ADAMTSL4: variants seen among roughly 807,000 people sequenced by gnomAD.
The protein encoded by ADAMTSL4 is ADAMTS-like protein 4.
ADAMTSL4 carries 97 observed loss-of-function variants against 122.8 expected under a neutral mutation model. The observed-to-expected ratio is 0.79, with a 90% CI of 0.67 to 0.93. The LOEUF (loss-of-function observed/expected upper bound fraction) is 0.93. Among genes scored for constraint, ADAMTSL4 ranks in the 40% least tolerant of loss-of-function variants. The pLI is 0.00. For synonymous variants in ADAMTSL4, 592 were observed against 568.0 expected (o/e 1.04, Z -0.60); for missense variants, 1,408 against 1,453.5 (o/e 0.97, Z 0.51).
chr1:150,558,145 G>T lies in ADAMTSL4; in HGVS notation c.2378G>T (p.Ser793Ile), dbSNP rs1414780977. 6.2e-7 allele frequency: 1 copy of T among 1,613,440 alleles called. No individual in the cohort carries two copies. Among genetic ancestry groups the T allele is most frequent in the Admixed American group, 1.7e-5 (1 of 60,030 alleles). ...CATTGGGAAGTTGGCTCTCCTTGGAGCCAGGTGAGTTTGCCCAGGCAAGGA... is the reference window on the plus strand; with the variant it reads ...CATTGGGAAGTTGGCTCTCCTTGGATCCAGGTGAGTTTGCCCAGGCAAGGA... ...CGHWEVGSPW[S>I]QCSVRCGRGQ... is the part of the protein sequence containing the mutation. Residue 793 changes from serine to isoleucine, a missense_variant, in exon 14 of 19, where the codon AGC (serine) becomes ATC (isoleucine). Transcript: ENST00000271643.
Position 150,557,614 on chromosome 1 carries a change from G to A in ADAMTSL4, c.2168G>A (p.Cys723Tyr), listed in dbSNP as rs1395501380. The A allele has an allele frequency of 1.9e-6, 3 of 1,599,712 alleles. No homozygotes were observed. The highest frequency in any genetic ancestry group is 1.1e-5 in the South Asian group (1 of 89,432). ...ASPEPCHGTP[C>Y]PPYWEAGEWT... ...CCTGAACCCTGCCACGGCACCCCAT[G>A]CCCCCCATAGTGAGTATGGGGGAGC... Residue 723 changes from cysteine (C) to tyrosine (Y), a missense_variant, in exon 13 of 19, where the codon TGC (cysteine) becomes TAC (tyrosine). Cys to Tyr is a radical substitution (Grantham distance 194). Coordinates refer to ENST00000271643, the MANE Select transcript of ADAMTSL4 (RefSeq NM_019032.6).
Position 150,554,420 on chromosome 1 carries a change from C to T in ADAMTSL4, c.1187C>T (p.Ser396Phe), listed in dbSNP as rs587686142. The part of the protein sequence containing the change: ...PRALQCAAFN[S>F]QEFMGQLYQW... ...GCCCTGCAGTGCGCAGCCTTTAACT[C>T]CCAGGAATTCATGGGCCAGCTGTAT... The change falls in exon 7 of 19, where the codon TCC (serine) becomes TTC (phenylalanine). Residue 396 changes from serine to phenylalanine, a missense_variant. Transcript: ENST00000271643. This position sits in a 1 kb window ranked among gnomAD's most constrained non-coding sequence, Gnocchi z 4.0. 7.4e-6 allele frequency: 12 copies of T among 1,614,130 alleles called. No homozygotes were observed. The highest frequency in any genetic ancestry group is 4.4e-5 in the South Asian group (4 of 91,080).
rs1323476098 is a variant in ADAMTSL4 at position 150,552,282 on chromosome 1, G to A, written c.-7G>A. The A allele has an allele frequency of 2.6e-6, 4 of 1,554,122 alleles. No individual in the cohort carries two copies. Among genetic ancestry groups the A allele is most frequent in the Admixed American group, 2.0e-5 (1 of 51,206 alleles). On this transcript the variant is annotated 5_prime_UTR_variant, in exon 3 of 19. Coordinates refer to ENST00000271643, the MANE Select transcript of ADAMTSL4 (RefSeq NM_019032.6). This position sits in a 1 kb window ranked among gnomAD's most constrained non-coding sequence, Gnocchi z 4.0. ...CTGCCTCCCCCTGGGGCAGTAGAGG[G>A]GGAGCGATGGAGAACTGGACTGGCA...
chr1:150,555,601 GCATATGC>G (rs1249879912), intron 8 of ADAMTSL4, 36 bp downstream of exon 8: 40 of 1,564,900 alleles, frequency 2.6e-5, no homozygotes, highest in Non-Finnish European at 3.4e-5. Flanking sequence ...ACACACACAT[GCATATGC>G]ACACAGACAC....
chr1:150,553,281 C>T, intron 5 of ADAMTSL4, 28 bp downstream of exon 5: 1 of 1,610,412 alleles, frequency 6.2e-7, no homozygotes, highest in Non-Finnish European at 8.5e-7. Context: ...AAGAGGTGGG[C>T]CTTGGGCAAG....
intron 15 of ADAMTSL4, 93 bp downstream of exon 15, chr1:150,558,742 G>A: frequency 1.2e-6 from 2 of 1,603,518 alleles, no homozygotes; most frequent in Non-Finnish European, 1.7e-6. Flanking sequence ...AACTTGTATT[G>A]ATCAAGCGCC....
chr1:150,557,839 C>T, intron 13 of ADAMTSL4, 106 bp from the exon 14 acceptor site: 1 of 1,457,742 alleles, frequency 6.9e-7, no homozygotes, highest in Non-Finnish European at 9.3e-7. Context: ...TGCCCACTCT[C>T]CTCTGAGGCC....
chr1:150,557,919 C>T, intron 13 of ADAMTSL4, 26 bp from the exon 14 acceptor site: 3 of 1,598,602 alleles, frequency 1.9e-6, no homozygotes, highest in Non-Finnish European at 2.5e-6. Context: ...GTCTCCGCCT[C>T]TTCCCTGCCC....
intron 2 of ADAMTSL4, chr1:150,551,912 T>G: frequency 7.8e-6 from 2 of 255,974 alleles, no homozygotes; most frequent in East Asian, 7.5e-5. Flanking sequence ...AAAAAGCCTT[T>G]TGTGTGTGCC....
Position 150,552,182 on chromosome 1 carries a change from C to G in ADAMTSL4, c.-84-23C>G. ...AGCTCTCTGGACACTGGAGAGGTAA[C>G]CACCAGGCTTCTGTCCCTGCAGAGA... is the stretch of plus-strand genomic sequence containing the variant. On this transcript the variant is annotated intron_variant, in intron 2 of 18. Coordinates refer to ENST00000271643, the MANE Select transcript of ADAMTSL4 (RefSeq NM_019032.6). The surrounding 1 kb of genome is among the most constrained non-coding windows in gnomAD (Gnocchi z 4.0). 1 of 1,229,982 alleles carries G rather than the reference C, an allele frequency of 8.1e-7. No homozygotes were observed. The allele number at this position is 1,229,982 out of a possible 1,614,324, so 76.2% of individuals were successfully genotyped here.
In ADAMTSL4 at chr1:150,556,895, C is replaced by T. The variant is rs765156304; in HGVS notation, c.1750-44C>T. 1 of 1,607,106 alleles carries T rather than the reference C, an allele frequency of 6.2e-7. No homozygotes were observed. Among genetic ancestry groups the T allele is most frequent in the Admixed American group, 1.7e-5 (1 of 59,994 alleles). ...TGGGAGAGAGAGCTGGTGGCATCCT[C>T]TTCTGGCCACCCCCACATATTCATT... On this transcript the variant is annotated intron_variant, in intron 10 of 18. Transcript: ENST00000271643. The surrounding 1 kb of genome is among the most constrained non-coding windows in gnomAD (Gnocchi z 4.1).
rs1455661083 is a variant in ADAMTSL4 at position 150,557,998 on chromosome 1, A to C, written c.2231A>C (p.Gln744Pro). Reference protein sequence around the residue: ...SCSRSCGPGTQHRQLQCRQEF... With the variant: ...SCSRSCGPGTPHRQLQCRQEF... ...AGCCGCTCCTGTGGCCCCGGCACCCAGCACCGCCAGCTGCAGTGCCGGCAG... is the reference window on the plus strand; with the variant it reads ...AGCCGCTCCTGTGGCCCCGGCACCCCGCACCGCCAGCTGCAGTGCCGGCAG... The change falls in exon 14 of 19, where the codon CAG becomes CCG. Residue 744 changes from glutamine (Q) to proline (P), a missense_variant. By Grantham distance (76) the Gln-to-Pro change is moderately conservative. Transcript: ENST00000271643. 3.1e-6 allele frequency: 5 copies of C among 1,612,030 alleles called. No homozygotes were observed. In the South Asian group the frequency reaches 5.5e-5, roughly 18 times the overall value.
chr1:150,557,062 A>C lies in ADAMTSL4; in HGVS notation c.1861+12A>C, dbSNP rs1560297834. ...CCAGCTTCAGCCGGGTAAGACTCTG[A>C]CCCCTGCACTTGGAAGGAGGAGGGA... On this transcript the variant is annotated intron_variant, in intron 11 of 18. Transcript: ENST00000271643. 1 of 1,612,926 alleles carries C rather than the reference A, an allele frequency of 6.2e-7. No homozygotes were observed. The highest frequency in any genetic ancestry group is 2.2e-5 in the East Asian group (1 of 44,856).
rs1367107070 is a variant in ADAMTSL4 at position 150,552,650 on chromosome 1, C to G, written c.78+50C>G. On this transcript the variant is annotated intron_variant, in intron 4 of 18. Coordinates refer to ENST00000271643, the MANE Select transcript of ADAMTSL4 (RefSeq NM_019032.6). This position sits in a 1 kb window ranked among gnomAD's most constrained non-coding sequence, Gnocchi z 4.0. Reference sequence around the variant, plus strand: ...TGCAGCCTGCCTGCCACCCTTTCATCTCCCCCTAGGCTCCCACCCCATCTC... The same window carrying G: ...TGCAGCCTGCCTGCCACCCTTTCATGTCCCCCTAGGCTCCCACCCCATCTC... 2 of 1,577,152 alleles carry G rather than the reference C, an allele frequency of 1.3e-6. No individual in the cohort carries two copies. The highest frequency in any genetic ancestry group is 1.1e-5 in the South Asian group (1 of 87,016).
chr1:150,554,389 C>T lies in ADAMTSL4; in HGVS notation c.1156C>T (p.Pro386Ser), dbSNP rs1215578960. The T allele has an allele frequency of 3.7e-6, 6 of 1,613,692 alleles. No individual in the cohort carries two copies. Among genetic ancestry groups the T allele is most frequent in the Non-Finnish European group, 5.1e-6 (6 of 1,180,026 alleles). ...QAPCPPEQPD[P>S]RALQCAAFNS... is the part of the protein sequence containing the mutation. ...GCCCTGCCCCCCTGAGCAGCCAGAC[C>T]CCCGGGCCCTGCAGTGCGCAGCCTT... The change falls in exon 7 of 19, where the codon CCC becomes TCC. Residue 386 changes from proline (P) to serine (S), a missense_variant. Physicochemically the swap from Pro to Ser is moderately conservative, Grantham distance 74. Transcript: ENST00000271643. This position sits in a 1 kb window ranked among gnomAD's most constrained non-coding sequence, Gnocchi z 4.0.
chr1:150,554,767 T>A lies in ADAMTSL4; in HGVS notation c.1234+300T>A. The A allele has an allele frequency of 9.3e-7, 1 of 1,077,156 alleles. No homozygotes were observed. The highest frequency in any genetic ancestry group is 1.3e-6 in the Non-Finnish European group (1 of 759,428). The allele number at this position is 1,077,156 out of a possible 1,614,324, so 66.7% of individuals were successfully genotyped here. ...AAGAGGGCCATGGTGGGAGAGATCC[T>A]GTCCAGCCGTGACAGCCAGGTGGGG... On this transcript the variant is annotated intron_variant, in intron 7 of 18. Transcript: ENST00000271643. The surrounding 1 kb of genome is among the most constrained non-coding windows in gnomAD (Gnocchi z 4.0).
chr1:150,559,066 G>T lies in ADAMTSL4; in HGVS notation c.2664G>T (p.Gly888=), dbSNP rs773335343. Reference sequence around the variant, plus strand: ...AGGGGGAAGCAGGAGCAGGAACTGGGCAGAGCTGTCCAACAGGAAGCCGGC... The same window carrying T: ...AGGGGGAAGCAGGAGCAGGAACTGGTCAGAGCTGTCCAACAGGAAGCCGGC... ...PGQGEAGAGT[G]QSCPTGSRPP... Residue 888 remains glycine (G), a synonymous_variant, in exon 16 of 19, where the codon GGG becomes GGT. Coordinates refer to ENST00000271643, the MANE Select transcript of ADAMTSL4 (RefSeq NM_019032.6). This position sits in a 1 kb window ranked among gnomAD's most constrained non-coding sequence, Gnocchi z 4.1. 6.2e-7 allele frequency: 1 copy of T among 1,612,696 alleles called. No homozygotes were observed. Among genetic ancestry groups the T allele is most frequent in the Non-Finnish European group, 8.5e-7 (1 of 1,179,956 alleles).
rs142909361 is a variant in ADAMTSL4 at position 150,559,640 on chromosome 1, G to A, written c.2944-121G>A. 8 of 1,573,000 alleles carry A rather than the reference G, an allele frequency of 5.1e-6. No homozygotes were observed. In the African/African-American group the frequency reaches 1.1e-4, roughly 21 times the overall value. ...GGAAAGATGGGCCCTCTCCATTTGG[G>A]ATTTCACAATGTCCTAGGAGGGTCC... On this transcript the variant is annotated intron_variant, in intron 17 of 18. Transcript: ENST00000271643. The surrounding 1 kb of genome is among the most constrained non-coding windows in gnomAD (Gnocchi z 4.1).
rs148812509 is a variant in ADAMTSL4 at position 150,558,547 on chromosome 1, C to T, written c.2457C>T (p.Ser819=). The stretch of plus-strand genomic sequence containing the variant: ...TTGGGAACAATGGTGATGAAGTGAG[C>T]GAGCAGGAGTGTGCGTCAGGCCCCC... ...RCVGNNGDEV[S]EQECASGPPQ... Residue 819 remains serine (S), a synonymous_variant, in exon 15 of 19, where the codon AGC becomes AGT. Coordinates refer to ENST00000271643, the MANE Select transcript of ADAMTSL4 (RefSeq NM_019032.6). The T allele has an allele frequency of 6.4e-5, 103 of 1,613,696 alleles. No individual in the cohort carries two copies. Among genetic ancestry groups the T allele is most frequent in the Middle Eastern group, 3.3e-4 (2 of 6,084 alleles).
Sources: gnomAD v4.1 joint callset for allele counts on GRCh38, gnomAD v4.1.1 for gene constraint, Gnocchi (gnomAD v3.1) non-coding constraint, MANE v1.5 for transcripts, NCBI Gene and HGNC (gene_info 2026-07-23, HGNC 2026-07-21) for gene names.